The following MAMDC2 variants were observed in gnomAD, a reference collection of about 807,000 sequenced individuals.
The protein encoded by MAMDC2 is MAM domain-containing protein 2.
In MAMDC2, 57 loss-of-function variants were observed where a neutral mutation model predicts 89.8. The ratio of observed to expected loss-of-function variants is 0.63; its 90% CI spans 0.51 to 0.79. MAMDC2 has a LOEUF of 0.79. Ranked by LOEUF, MAMDC2 falls within the 30% of genes least tolerant of loss-of-function variation. The pLI is 0.00. For synonymous variants in MAMDC2, 313 were observed against 293.4 expected (o/e 1.07, Z -0.68); for missense variants, 800 against 820.6 (o/e 0.97, Z 0.31).
chr9:70,044,397 T>TAA, intron 1 of MAMDC2, among the ~76,000 whole-genome samples, 166 bp downstream of exon 1: 1 of 151,598 alleles, frequency 6.6e-6, no homozygotes, highest in Non-Finnish European at 1.5e-5. Flanking sequence ...GGGGTGGGGG[T>TAA]GGGGGTGGGC....
chr9:70,058,676 A>G lies in MAMDC2; in HGVS notation c.148+13979A>G, dbSNP rs73650510. Among the ~76,000 whole-genome samples, 483 of 152,292 alleles carry G rather than the reference A, an allele frequency of 3.2e-3. 1 individual carries two copies. The highest frequency in any genetic ancestry group is 0.011 in the African/African-American group (462 of 41,546). On this transcript the variant is annotated intron_variant, in intron 2 of 13. Transcript: ENST00000377182. ...GGCTCCTGCCTGCCTTCTGTGAGGG[A>G]TACAGCAATTGCAACGTTCATTTAT... is the stretch of plus-strand genomic sequence containing the variant.
In MAMDC2 at chr9:70,170,485, T is replaced by A. The variant is rs2032305362; in HGVS notation, c.1505T>A (p.Leu502His). 1.2e-6 allele frequency: 2 copies of A among 1,603,580 alleles called. No homozygotes were observed. Among genetic ancestry groups the A allele is most frequent in the Non-Finnish European group, 1.7e-6 (2 of 1,176,954 alleles). ...ATCTGCTATTTTCTTGCAGAGAAAC[T>A]TCCACCTCCACCTGGAGAGTGTACT... ...QLGSCSSSEK[L>H]PPPPGECTFE... Residue 502 changes from leucine (L) to histidine (H), a missense_variant, in exon 11 of 14, where the codon CTT becomes CAT. Transcript: ENST00000377182.
intron 2 of MAMDC2, among the ~76,000 whole-genome samples, 177 bp downstream of exon 2, chr9:70,044,874 GGGGCGGGCGGGAGGCC>G (rs1826708027): frequency 6.6e-6 from 1 of 152,242 alleles, no homozygotes; most frequent in Admixed American, 6.5e-5. Flanking sequence ...AGGCAGGAAC[GGGGCGGGCGGGAGGCC>G]GCCCTTTGTT....
At chr9:70,194,142 G>A (rs2032934276) in intron 11 of MAMDC2, 1 of 152,084 alleles carries the variant, frequency 6.6e-6, no homozygotes, top group Admixed American at 6.6e-5. Flanking sequence ...GCATGGTATG[G>A]AAAGACCAAA....
intron 9 of MAMDC2, among the ~76,000 whole-genome samples, chr9:70,157,971 T>A (rs2031823494): frequency 6.6e-6 from 1 of 152,054 alleles, no homozygotes; most frequent in Admixed American, 6.5e-5. Context: ...AGACATTATG[T>A]TTTTAGACAG....
At chr9:70,191,315 C>T (rs1353901187) in intron 11 of MAMDC2, among the ~76,000 whole-genome samples, 1 of 151,842 alleles carries the variant, frequency 6.6e-6, no homozygotes, top group Non-Finnish European at 1.5e-5. Flanking sequence ...GATTTTTTTG[C>T]TTTTGAACAG....
intron 11 of MAMDC2, among the ~76,000 whole-genome samples, chr9:70,173,300 G>T (rs1435136514): frequency 6.6e-6 from 1 of 152,020 alleles, no homozygotes; most frequent in Non-Finnish European, 1.5e-5. Context: ...TACTATAAAG[G>T]TCATTTTTGA....
chr9:70,099,984 GAGAGAGA>G (rs1230746043), intron 2 of MAMDC2, among the ~76,000 whole-genome samples: 744 of 54,476 alleles, frequency 0.014, 4 homozygotes, highest in African/African-American at 0.1. Flanking sequence ...AAAAGAAAGA[GAGAGAGA>G]GAGAGAGAGA....
chr9:70,098,025 C>G (rs981293110), intron 2 of MAMDC2, among the ~76,000 whole-genome samples: 1 of 152,076 alleles, frequency 6.6e-6, no homozygotes, highest in Non-Finnish European at 1.5e-5. Context: ...TTTGGAAGCC[C>G]GATGGACTTG....
At chr9:70,221,356 AATAT>A (rs1215738162) in intron 12 of MAMDC2, among the ~76,000 whole-genome samples, 3 of 9,422 alleles carry the variant, frequency 3.2e-4, no homozygotes, top group Non-Finnish European at 6.1e-4. Context: ...CCAAACAACA[AATAT>A]ATATATATAT....
intron 2 of MAMDC2, among the ~76,000 whole-genome samples, chr9:70,102,895 G>A (rs1290395486): frequency 6.6e-6 from 1 of 152,200 alleles, no homozygotes; most frequent in East Asian, 1.9e-4. Flanking sequence ...CTGGCCTGAT[G>A]CATCACAGTC....
At chr9:70,193,891 G>A (rs1264701741) in intron 11 of MAMDC2, 1 of 151,970 alleles carries the variant, frequency 6.6e-6, no homozygotes, top group Non-Finnish European at 1.5e-5. Flanking sequence ...AACATATACA[G>A]GGAGGAAAAA....
Position 70,131,264 on chromosome 9 carries a change from C to T in MAMDC2, c.901-255C>T, listed in dbSNP as rs1248175267. 2.0e-5 allele frequency among the ~76,000 whole-genome samples: 3 copies of T among 152,126 alleles called. No homozygotes were observed. In the East Asian group the frequency reaches 5.8e-4, roughly 29 times the overall value. On this transcript the variant is annotated intron_variant, in intron 6 of 13. Coordinates refer to ENST00000377182, the MANE Select transcript of MAMDC2 (RefSeq NM_153267.5). ...TTCTATTACCATTCCCTTAGGGGTT[C>T]ATATGTCAACGTATGACTTTTGAGA...
chr9:70,199,049 T>C (rs1392224515), intron 11 of MAMDC2, among the ~76,000 whole-genome samples: 1 of 20,130 alleles, frequency 5.0e-5, no homozygotes, highest in African/African-American at 1.9e-4. Flanking sequence ...GCTTATTTTT[T>C]TTTTCGTTTG....
chr9:70,156,407 C>T (rs149183526), intron 9 of MAMDC2, among the ~76,000 whole-genome samples: 537 of 152,200 alleles, frequency 3.5e-3, no homozygotes, highest in Non-Finnish European at 5.4e-3. Flanking sequence ...GCCAGACACC[C>T]TGCTATAAAG....
In MAMDC2 at chr9:70,044,060, G is replaced by T. The variant is rs965949706; in HGVS notation, c.-138G>T. On this transcript the variant is annotated 5_prime_UTR_variant, in exon 1 of 14. Transcript: ENST00000377182. ...TCTGCAAAGTTGGGCAGCTCAGAGC[G>T]CAAGCTTTGCCTCTCGACTTCTCCC... The T allele has an allele frequency of 5.0e-6, 5 of 1,008,062 alleles. No homozygotes were observed. The East Asian group carries it at 1.3e-4, about 26-fold the overall frequency. The allele number at this position is 1,008,062 out of a possible 1,614,324, so 62.4% of individuals were successfully genotyped here. A position where few individuals can be genotyped will look rare whatever the true frequency, so the allele number is the denominator to read the frequency against.
chr9:70,196,716 CA>C (rs1273711110), intron 11 of MAMDC2, among the ~76,000 whole-genome samples: 1 of 152,048 alleles, frequency 6.6e-6, no homozygotes, highest in Admixed American at 6.6e-5. Flanking sequence ...ATAAAACCTG[CA>C]TTCATAAAAG....
chr9:70,216,625 C>T (rs552721052), intron 11 of MAMDC2, among the ~76,000 whole-genome samples: 287 of 152,270 alleles, frequency 1.9e-3, no homozygotes, highest in African/African-American at 6.6e-3. Context: ...AAATGTAACA[C>T]CAAACAAGGC....
intron 7 of MAMDC2, among the ~76,000 whole-genome samples, chr9:70,137,871 G>T (rs943417100): frequency 6.6e-6 from 1 of 152,114 alleles, no homozygotes; most frequent in African/African-American, 2.4e-5. Flanking sequence ...CAAGCCAATT[G>T]TTGATAGGAT....
Sources: gnomAD v4.1 joint callset for allele counts (sites outside exome capture counted in the v4.1 genomes callset) on GRCh38, gnomAD v4.1.1 for gene constraint, MANE v1.5 for transcripts, NCBI Gene and HGNC (gene_info 2026-07-23, HGNC 2026-07-21) for gene names.